AGMO: variants seen among roughly 807,000 people sequenced by gnomAD.
AGMO encodes the protein glyceryl-ether monooxygenase.
A neutral mutation model predicts 60.2 loss-of-function variants in AGMO; 75 were observed. The observed-to-expected ratio is 1.25, with a 90% CI of 1.03 to 1.51. The LOEUF is 1.51. AGMO is among the 40% of genes most tolerant of loss of function. AGMO has a pLI of 0.00. For synonymous variants in AGMO, 261 were observed against 177.1 expected, an observed-to-expected ratio of 1.47 and a Z score of -3.76; for missense variants, 763 against 525.5, an observed-to-expected ratio of 1.45 and a Z score of -4.42.
intron 3 of AGMO, among the ~76,000 whole-genome samples, chr7:15,493,332 A>AC (rs1783120646): frequency 2.0e-5 from 1 of 50,012 alleles, no homozygotes; most frequent in African/African-American, 1.3e-4. Context: ...ACAAACACAC[A>AC]AAACACACAC....
rs549433708 is a variant in AGMO at position 15,365,596 on chromosome 7, G to C, written c.1181C>G (p.Thr394Ser). 1.4e-4 allele frequency: 218 copies of C among 1,612,506 alleles called. 6 individuals carry two copies. In the South Asian group the frequency reaches 2.3e-3, roughly 17 times the overall value. The change falls in exon 12 of 13, where the codon ACT becomes AGT. Residue 394 changes from threonine (T) to serine (S), a missense_variant. Coordinates refer to ENST00000342526, the MANE Select transcript of AGMO (RefSeq NM_001004320.2). The stretch of plus-strand genomic sequence containing the variant: ...CATTAAGAACATCAAGCAACGGAGA[G>C]TTTCCATAATAGCTGCCTTGGGTCT... ...DQRPKAAIME[T>S]LRCLMFLMLY...
chr7:15,397,079 C>G (rs1784419392), intron 5 of AGMO, among the ~76,000 whole-genome samples: 1 of 152,152 alleles, frequency 6.6e-6, no homozygotes, highest in African/African-American at 2.4e-5. Context: ...GTTGGCTTCA[C>G]CTGTCACTGG....
At chr7:15,276,584 T>C (rs186228733) in intron 12 of AGMO, among the ~76,000 whole-genome samples, 52 of 152,286 alleles carry the variant, frequency 3.4e-4, no homozygotes, top group African/African-American at 1.2e-3. Flanking sequence ...TCTACATCTC[T>C]AGCAAAATCA....
downstream of AGMO, among the ~76,000 whole-genome samples, chr7:15,195,732 GAAA>G (rs1197055583): frequency 2.0e-5 from 3 of 152,104 alleles, no homozygotes; most frequent in African/African-American, 7.2e-5. Flanking sequence ...TGTTAGAAAA[GAAA>G]ATGATTTAGG....
At chr7:15,464,214 T>C (rs974206845) in intron 3 of AGMO, among the ~76,000 whole-genome samples, 1 of 152,138 alleles carries the variant, frequency 6.6e-6, no homozygotes, top group African/African-American at 2.4e-5. Context: ...TGAACTGGAG[T>C]GGGACCAGGA....
chr7:15,467,178 A>G (rs1363309624), intron 3 of AGMO, among the ~76,000 whole-genome samples: 1 of 152,200 alleles, frequency 6.6e-6, no homozygotes, highest in Non-Finnish European at 1.5e-5. Flanking sequence ...AATCCAGACA[A>G]CAATAAAATG....
intron 12 of AGMO, among the ~76,000 whole-genome samples, chr7:15,356,080 A>C (rs183246644): frequency 2.1e-4 from 32 of 152,332 alleles, no homozygotes; most frequent in African/African-American, 7.5e-4. Context: ...GACAATTACA[A>C]CTTCGGTGAG....
At chr7:15,282,464 G>C (rs1227536902) in intron 12 of AGMO, among the ~76,000 whole-genome samples, 3 of 152,020 alleles carry the variant, frequency 2.0e-5, no homozygotes, top group Admixed American at 1.3e-4. Context: ...ACTAGACCAA[G>C]TAGAAGAAAG....
intron 5 of AGMO, among the ~76,000 whole-genome samples, chr7:15,405,547 A>T (rs1232812644): frequency 1.3e-5 from 2 of 151,906 alleles, no homozygotes; most frequent in African/African-American, 4.8e-5. Flanking sequence ...AGGTGACCCT[A>T]CCCTTGCTTC....
chr7:15,274,282 G>C (rs973178098), intron 12 of AGMO, among the ~76,000 whole-genome samples: 1 of 151,556 alleles, frequency 6.6e-6, no homozygotes, highest in Admixed American at 6.6e-5. Flanking sequence ...CTCTTATTGA[G>C]ATATGTCTCA....
At chr7:15,297,202 T>C (rs1440914641) in intron 12 of AGMO, among the ~76,000 whole-genome samples, 1 of 152,116 alleles carries the variant, frequency 6.6e-6, no homozygotes, top group South Asian at 2.1e-4. Context: ...GTATGAAAGA[T>C]AGCATAAGTA....
At chr7:15,452,074 T>A (rs1781870306) in intron 3 of AGMO, among the ~76,000 whole-genome samples, 1 of 152,164 alleles carries the variant, frequency 6.6e-6, no homozygotes, top group Non-Finnish European at 1.5e-5. Flanking sequence ...AATATACAAG[T>A]ACAGAGTCCT....
chr7:15,561,926 T>C lies in AGMO; in HGVS notation c.-81A>G. ...CTGAGGCTGAACAAAGAGGACGAGA[T>C]GTGCAGCTCAGAACAAGCTCTTTGT... On this transcript the variant is annotated 5_prime_UTR_variant, in exon 1 of 13. Coordinates refer to ENST00000342526, the MANE Select transcript of AGMO (RefSeq NM_001004320.2). 1 of 1,445,930 alleles carries C rather than the reference T, an allele frequency of 6.9e-7. No homozygotes were observed. The highest frequency in any genetic ancestry group is 9.3e-7 in the Non-Finnish European group (1 of 1,073,344). 89.6% of individuals were successfully genotyped at this position (1,445,930 alleles called of 1,614,324 possible).
intron 10 of AGMO, among the ~76,000 whole-genome samples, chr7:15,367,220 T>G (rs991949123): frequency 1.3e-5 from 2 of 151,792 alleles, no homozygotes; most frequent in Non-Finnish European, 1.5e-5. Context: ...AAGTGGGTTT[T>G]TATCCTAATG....
intron 3 of AGMO, among the ~76,000 whole-genome samples, chr7:15,443,699 C>T (rs901380314): frequency 1.3e-5 from 2 of 152,148 alleles, no homozygotes; most frequent in Non-Finnish European, 2.9e-5. Flanking sequence ...CCCTGCCTAC[C>T]ACCTGATTTG....
Position 15,229,736 on chromosome 7 carries a change from T to TAA in AGMO, c.1264-28378_1264-28377insTT, listed in dbSNP as rs1483953844. Among the ~76,000 whole-genome samples, 58 of 147,064 alleles carry TAA rather than the reference T, an allele frequency of 3.9e-4. 1 individual carries two copies. In the East Asian group the frequency reaches 9.2e-3, roughly 23 times the overall value. ...TATTATATTATATATAAATTATATATTATAATATATATAAATAATTAGTTA... is the reference window on the plus strand; with the variant it reads ...TATTATATTATATATAAATTATATATAATATAATATATATAAATAATTAGTTA... On this transcript the variant is annotated intron_variant, in intron 12 of 12. Transcript: ENST00000342526.
At chr7:15,431,254 T>C (rs980750554) in intron 3 of AGMO, 146 bp from the exon 4 acceptor site, 12 of 609,446 alleles carry the variant, frequency 2.0e-5, no homozygotes, top group Non-Finnish European at 3.5e-5. Context: ...AATTAAAATA[T>C]GCTGCCTGAA....
chr7:15,386,598 CATT>C (rs1783925456), intron 9 of AGMO, among the ~76,000 whole-genome samples: 1 of 152,102 alleles, frequency 6.6e-6, no homozygotes. Context: ...GAGAAAATGT[CATT>C]ATTTAGATCA....
At chr7:15,391,406 T>C (rs1422856106) in intron 6 of AGMO, among the ~76,000 whole-genome samples, 1 of 152,150 alleles carries the variant, frequency 6.6e-6, no homozygotes, top group Non-Finnish European at 1.5e-5. Context: ...AAAAATAAAC[T>C]ACCCTTAACT....
Sources: allele counts gnomAD v4.1 joint callset (sites outside exome capture counted in the v4.1 genomes callset), GRCh38; gene constraint gnomAD v4.1.1; transcripts MANE v1.5; gene names NCBI Gene and HGNC (gene_info 2026-07-23, HGNC 2026-07-21).